Variants in GALNT13 observed in about 807,000 individuals in gnomAD.
GALNT13 encodes the protein UDP-GalNAc:polypeptide N-acetylgalactosaminyltransferase 13.
In GALNT13, 28 loss-of-function variants were observed where a neutral mutation model predicts 64.2. The ratio of observed to expected loss-of-function variants is 0.44; its 90% confidence interval spans 0.32 to 0.60. The LOEUF (loss-of-function observed/expected upper bound fraction) is 0.60, where lower values mean the gene tolerates loss of function less well. Ranked by LOEUF, GALNT13 falls within the 20% of genes least tolerant of loss-of-function variation. The pLI is 0.05. For missense variants in GALNT13, 577 were observed against 669.8 expected, an observed-to-expected ratio of 0.86 and a Z score of 1.53; for synonymous variants, 214 against 224.6, an observed-to-expected ratio of 0.95 and a Z score of 0.42.
the GALNT13 span, among the ~76,000 whole-genome samples, chr2:153,383,610 CTACTTTGCCTTCTT>C: frequency 2.5e-4 from 38 of 152,122 alleles, no homozygotes; most frequent in Middle Eastern, 6.8e-3. Context: ...CATTGGCTTT[CTACTTTGCCTTCTT>C]AAAGGTACTT....
the GALNT13 span, among the ~76,000 whole-genome samples, chr2:153,296,829 T>A: frequency 1.3e-5 from 2 of 152,224 alleles, no homozygotes; most frequent in African/African-American, 4.8e-5. Context: ...ATTGATTTAC[T>A]CATGTTAAAT....
intron 4 of GALNT13, among the ~76,000 whole-genome samples, chr2:154,211,528 TGA>T (rs1687761589): frequency 6.8e-6 from 1 of 147,294 alleles, no homozygotes; most frequent in Non-Finnish European, 1.5e-5. Context: ...CTTGGGAGGC[TGA>T]GTCAGGATAA....
intron 9 of GALNT13, among the ~76,000 whole-genome samples, chr2:154,351,682 CAAAAAAAAAAAAAAAAAAAAAA>C (rs567606376): frequency 1.7e-3 from 74 of 44,694 alleles, no homozygotes; most frequent in Non-Finnish European, 2.3e-3. Flanking sequence ...GACTCCGTCT[CAAAAAAAAAAAAAAAAAAAAAA>C]AAAAAAAAAA....
intron 4 of GALNT13, among the ~76,000 whole-genome samples, chr2:154,204,507 T>C (rs1262921612): frequency 1.3e-5 from 2 of 152,194 alleles, no homozygotes; most frequent in African/African-American, 2.4e-5. Context: ...TTTAATATTT[T>C]TTAAGACTCA....
At chr2:153,126,666 C>T in the GALNT13 span, among the ~76,000 whole-genome samples, 3 of 151,962 alleles carry the variant, frequency 2.0e-5, no homozygotes, top group Admixed American at 6.6e-5. Context: ...GTAAAGAAAC[C>T]AGGATTTATT....
At chr2:153,578,762 A>G in the GALNT13 span, among the ~76,000 whole-genome samples, 1 of 152,188 alleles carries the variant, frequency 6.6e-6, no homozygotes, top group Admixed American at 6.5e-5. Flanking sequence ...GGTCTGTAGC[A>G]ATGGTCAGTT....
chr2:153,632,709 G>A, the GALNT13 span, among the ~76,000 whole-genome samples: 1 of 151,864 alleles, frequency 6.6e-6, no homozygotes, highest in Non-Finnish European at 1.5e-5. Flanking sequence ...ATTTATCTGT[G>A]TTTTTTCATG....
the GALNT13 span, among the ~76,000 whole-genome samples, chr2:153,423,727 G>A: frequency 6.6e-6 from 1 of 151,626 alleles, no homozygotes; most frequent in Non-Finnish European, 1.5e-5. Context: ...ACAGAGGCAA[G>A]ACTTTAATGA....
the GALNT13 span, chr2:153,421,255 C>A: frequency 5.4e-6 from 1 of 186,204 alleles, no homozygotes; most frequent in East Asian, 1.4e-4. Flanking sequence ...TTCTGTCAGA[C>A]TCCATGAAAT....
intron 3 of GALNT13, among the ~76,000 whole-genome samples, chr2:154,092,436 A>G (rs1701862569): frequency 6.6e-6 from 1 of 152,030 alleles, no homozygotes; most frequent in Admixed American, 6.6e-5. Context: ...TGCCTGTTAT[A>G]ATATGGATCT....
At chr2:153,778,606 A>G in the GALNT13 span, among the ~76,000 whole-genome samples, 2 of 152,240 alleles carry the variant, frequency 1.3e-5, no homozygotes, top group African/African-American at 4.8e-5. Context: ...TCTATTTACA[A>G]GTATCTTATG....
chr2:154,020,773 C>T lies in GALNT13; in HGVS notation c.142+76134C>T, dbSNP rs1222816741. Among the ~76,000 whole-genome samples the T allele has an allele frequency of 9.2e-5, 14 of 151,606 alleles. No homozygotes were observed. In the East Asian group the frequency reaches 2.3e-3, roughly 25 times the overall value. Reference sequence around the variant, plus strand: ...TGGTGTTTTAGACATGAAGTCCTTGCCCATGCCTATGTCCTGAATGGTATT... The same window carrying T: ...TGGTGTTTTAGACATGAAGTCCTTGTCCATGCCTATGTCCTGAATGGTATT... On this transcript the variant is annotated intron_variant, in intron 3 of 12. Coordinates refer to ENST00000392825, the MANE Select transcript of GALNT13 (RefSeq NM_052917.4).
the GALNT13 span, among the ~76,000 whole-genome samples, chr2:153,770,290 A>G: frequency 6.6e-6 from 1 of 151,642 alleles, no homozygotes; most frequent in African/African-American, 2.4e-5. Context: ...GCTATAATGT[A>G]TGTTGTCTAT....
chr2:154,382,157 A>G (rs1196251145), intron 9 of GALNT13, among the ~76,000 whole-genome samples: 8 of 152,046 alleles, frequency 5.3e-5, no homozygotes, highest in African/African-American at 1.7e-4. Flanking sequence ...CAGCTGCCCA[A>G]TCCCCTCTAT....
the GALNT13 span, among the ~76,000 whole-genome samples, chr2:153,670,158 C>T: frequency 2.6e-5 from 4 of 152,196 alleles, no homozygotes; most frequent in African/African-American, 9.6e-5. Flanking sequence ...CAGACTTGAA[C>T]TTCCCTGCCT....
chr2:153,886,762 G>C (rs543591456), intron 1 of GALNT13, among the ~76,000 whole-genome samples: 23 of 152,114 alleles, frequency 1.5e-4, no homozygotes, highest in Non-Finnish European at 2.4e-4. Flanking sequence ...GTTATTTTAT[G>C]TGGTTGGTGA....
At chr2:153,098,588 C>A in the GALNT13 span, among the ~76,000 whole-genome samples, 1 of 152,130 alleles carries the variant, frequency 6.6e-6, no homozygotes. Flanking sequence ...AATTCAAAAT[C>A]ACATTTGTGA....
At chr2:153,694,589 T>G in the GALNT13 span, among the ~76,000 whole-genome samples, 8 of 152,288 alleles carry the variant, frequency 5.3e-5, no homozygotes, top group African/African-American at 1.9e-4. Context: ...ATCAGAATAG[T>G]GTTTACCTTT....
At chr2:153,316,312 T>G in the GALNT13 span, among the ~76,000 whole-genome samples, 1 of 152,074 alleles carries the variant, frequency 6.6e-6, no homozygotes, top group African/African-American at 2.4e-5. Context: ...TAATCCCAAT[T>G]ATCCAACAGA....
Sources: allele counts gnomAD v4.1 joint callset (sites outside exome capture counted in the v4.1 genomes callset), GRCh38; gene constraint gnomAD v4.1.1; transcripts MANE v1.5; gene names NCBI Gene and HGNC (gene_info 2026-07-23, HGNC 2026-07-21).